TMEM63B: variants seen among roughly 807,000 people sequenced by gnomAD.
TMEM63B encodes transmembrane protein 63B, also known as mechanosensitive cation channel TMEM63B.
In TMEM63B, 23 loss-of-function variants were observed where a neutral mutation model predicts 102.6. The ratio of observed to expected loss-of-function variants is 0.22; its 90% confidence interval spans 0.16 to 0.32. The LOEUF (loss-of-function observed/expected upper bound fraction) is 0.32, where lower values mean the gene tolerates loss of function less well. Among genes scored for constraint, TMEM63B ranks in the 10% least tolerant of loss-of-function variants. The pLI, the probability that TMEM63B is intolerant of heterozygous loss-of-function variation, is 1.00. For synonymous variants in TMEM63B, 444 were observed against 437.0 expected, an observed-to-expected ratio of 1.02 and a Z score of -0.20; for missense variants, 628 against 1,095.9, an observed-to-expected ratio of 0.57 and a Z score of 6.03.
At chr6:44,141,271 A>T (rs944986391) in intron 10 of TMEM63B, among the ~76,000 whole-genome samples, 173 bp downstream of exon 10, 1 of 152,178 alleles carries the variant, frequency 6.6e-6, no homozygotes, top group Non-Finnish European at 1.5e-5. Flanking sequence ...GGGTCGGGTG[A>T]TAGGCCCCTT....
At chr6:44,151,635 T>C (rs1348247957) in intron 18 of TMEM63B, among the ~76,000 whole-genome samples, 1 of 152,110 alleles carries the variant, frequency 6.6e-6, no homozygotes, top group African/African-American at 2.4e-5. Context: ...TCCATGGGTC[T>C]TTATGGGGCA....
In TMEM63B at chr6:44,152,571, C is replaced by T. The variant is rs1209977878; in HGVS notation, c.1837-22C>T. The T allele has an allele frequency of 1.9e-6, 3 of 1,597,042 alleles. No homozygotes were observed. Among genetic ancestry groups the T allele is most frequent in the Non-Finnish European group, 2.6e-6 (3 of 1,171,354 alleles). The stretch of plus-strand genomic sequence containing the variant: ...TCAGTCCCTGCCTCCCTGAGCCATC[C>T]TCCTGCCCGTCTCCCCCCCAGCATC... On this transcript the variant is annotated intron_variant, in intron 19 of 23. Transcript: ENST00000323267. The surrounding 1 kb of genome is among the most constrained non-coding windows in gnomAD (Gnocchi z 6.4).
intron 6 of TMEM63B, 73 bp from the exon 7 acceptor site, chr6:44,139,394 G>A (rs1763771227): frequency 1.3e-6 from 2 of 1,581,138 alleles, no homozygotes; most frequent in Non-Finnish European, 8.6e-7. Context: ...GAGTGGGTGA[G>A]GGCAGGCAAG....
chr6:44,126,770 G>A (rs1777116468), upstream of TMEM63B: 1 of 152,216 alleles, frequency 6.6e-6, no homozygotes, highest in South Asian at 2.1e-4. Flanking sequence ...TATAGAAAGA[G>A]TCTCAGTCTC....
chr6:44,134,524 G>A (rs1762550915), intron 1 of TMEM63B, 37 bp from the exon 2 acceptor site: 2 of 1,585,178 alleles, frequency 1.3e-6, no homozygotes, highest in Non-Finnish European at 1.7e-6. Context: ...GAAGGGGATG[G>A]GGGCAAGCCC....
Position 44,151,937 on chromosome 6 carries a change from C to T in TMEM63B, c.1765C>T (p.Pro589Ser). Reference sequence around the variant, plus strand: ...CAACGCCATGGACCTGCTGCGCATCCCAGGCCTGCTCATGTACATGATCCG... The same window carrying T: ...CAACGCCATGGACCTGCTGCGCATCTCAGGCCTGCTCATGTACATGATCCG... ...IGNAMDLLRI[P>S]GLLMYMIRLC... Residue 589 changes from proline to serine, a missense_variant, in exon 19 of 24, where the codon CCA (proline) becomes TCA (serine). Around this residue, in one of 6 missense-constraint regions of TMEM63B, gnomAD observed 90 missense variants for 136.7 expected, o/e 0.66. Coordinates refer to ENST00000323267, the MANE Select transcript of TMEM63B (RefSeq NM_018426.3). 1 of 1,613,540 alleles carries T rather than the reference C, an allele frequency of 6.2e-7. No individual in the cohort carries two copies. The highest frequency in any genetic ancestry group is 8.5e-7 in the Non-Finnish European group (1 of 1,179,706).
Position 44,136,239 on chromosome 6 carries a change from CCTGTGCCTT to C in TMEM63B, c.279-96_279-88del, listed in dbSNP as rs778204966. 1.5e-3 allele frequency: 1,270 copies of C among 839,330 alleles called. 3 individuals are homozygous for C. The highest frequency in any genetic ancestry group is 2.2e-3 in the Non-Finnish European group (1,072 of 494,228). The allele number at this position is 839,330 out of a possible 1,614,324, so 52.0% of individuals were successfully genotyped here. ...CCTCTCTGCTTCAGCCTCTGCGCTT[CCTGTGCCTT>C]CTGTGCCTTCTGTAGCCCTGGAGCT... On this transcript the variant is annotated intron_variant, in intron 4 of 23. Coordinates refer to ENST00000323267, the MANE Select transcript of TMEM63B (RefSeq NM_018426.3).
rs1301917049 is a variant in TMEM63B, at chr6:44,135,361, G to A, written c.273G>A (p.Gln91=). The change falls in exon 4 of 24, where the codon CAG becomes CAA. Residue 91 remains glutamine, a synonymous_variant. Coordinates refer to ENST00000323267, the MANE Select transcript of TMEM63B (RefSeq NM_018426.3). ...LRRQERDRVE[Q]EYVASAMHGD... is the part of the protein sequence containing the mutation. ...GGCAGGAGAGGGACCGAGTGGAACA[G>A]GAATAGTATGTGGGGCACCAGCCCC... is the stretch of plus-strand genomic sequence containing the variant. 6.2e-7 allele frequency: 1 copy of A among 1,612,316 alleles called. No individual in the cohort carries two copies. Among genetic ancestry groups the A allele is most frequent in the South Asian group, 1.1e-5 (1 of 90,748 alleles).
intron 6 of TMEM63B, among the ~76,000 whole-genome samples, 175 bp from the exon 7 acceptor site, chr6:44,139,292 C>G (rs1181839572): frequency 6.6e-6 from 1 of 151,932 alleles, no homozygotes; most frequent in African/African-American, 2.4e-5. Context: ...CCTTTCTCCC[C>G]TCTCCCTTCA....
chr6:44,149,381 C>T (rs981052440), intron 15 of TMEM63B: 8 of 311,412 alleles, frequency 2.6e-5, no homozygotes, highest in Non-Finnish European at 4.3e-5. Context: ...CCCCTCACCT[C>T]TCCTCCCACG....
intron 4 of TMEM63B, 50 bp from the exon 5 acceptor site, chr6:44,136,299 G>T (rs1762935223): frequency 2.0e-6 from 3 of 1,532,130 alleles, no homozygotes; most frequent in African/African-American, 2.7e-5. Flanking sequence ...CAGCTTCCCG[G>T]GGGCTCAGAC....
intron 9 of TMEM63B, 74 bp from the exon 10 acceptor site, chr6:44,140,954 C>A: frequency 7.5e-7 from 1 of 1,331,102 alleles, no homozygotes; most frequent in Non-Finnish European, 1.1e-6. Context: ...TTCTCTAGTG[C>A]CCCCCACCCC....
chr6:44,143,570 G>T (rs79078634), intron 10 of TMEM63B, among the ~76,000 whole-genome samples: 1 of 135,110 alleles, frequency 7.4e-6, no homozygotes, highest in South Asian at 2.4e-4. Flanking sequence ...GGTGTTTGTT[G>T]TTTTTGTTTT....
In TMEM63B at chr6:44,154,358, C is replaced by T. The variant is rs542322016; in HGVS notation, c.2227-7C>T. On this transcript the variant is annotated splice_region_variant and splice_polypyrimidine_tract_variant and intron_variant, in intron 22 of 23. Transcript: ENST00000323267. The stretch of plus-strand genomic sequence containing the variant: ...CCCACTTCCTGACTCATTCTGGGCC[C>T]CTCAAGATTGAGCACACGGAGACAG... 2.5e-6 allele frequency: 4 copies of T among 1,613,884 alleles called. No individual in the cohort carries two copies. Among genetic ancestry groups the T allele is most frequent in the East Asian group, 2.2e-5 (1 of 44,866 alleles).
chr6:44,129,316 C>G (rs562814184), intron 1 of TMEM63B, among the ~76,000 whole-genome samples: 12 of 147,016 alleles, frequency 8.2e-5, no homozygotes, highest in Admixed American at 4.9e-4. Context: ...TGCAGTGAGC[C>G]GAGATTGTGG....
intron 1 of TMEM63B, among the ~76,000 whole-genome samples, chr6:44,131,834 C>A (rs900937227): frequency 1.3e-5 from 2 of 151,644 alleles, no homozygotes; most frequent in Non-Finnish European, 2.9e-5. Context: ...GTAAAATGCT[C>A]CATCACTCTC....
chr6:44,151,465 G>A (rs541093662), intron 18 of TMEM63B, among the ~76,000 whole-genome samples: 1 of 152,212 alleles, frequency 6.6e-6, no homozygotes, highest in East Asian at 1.9e-4. Flanking sequence ...GTCACACTCT[G>A]GGGGTAACTC....
intron 10 of TMEM63B, among the ~76,000 whole-genome samples, chr6:44,141,999 G>A (rs1036248857): frequency 2.0e-5 from 3 of 152,074 alleles, no homozygotes; most frequent in African/African-American, 4.8e-5. Context: ...GCGTGCGCCT[G>A]TAGTCCCAGC....
intron 8 of TMEM63B, 74 bp from the exon 9 acceptor site, chr6:44,140,178 T>C (rs1384802083): frequency 2.5e-6 from 3 of 1,211,930 alleles, no homozygotes; most frequent in East Asian, 4.7e-5. Context: ...GGTTTAACAC[T>C]GACAGGCTGA....
Sources: gnomAD v4.1 joint callset for allele counts (sites outside exome capture counted in the v4.1 genomes callset) on GRCh38, gnomAD v4.1.1 for gene constraint, gnomAD v4.1.1 regional missense constraint, Gnocchi (gnomAD v3.1) non-coding constraint, MANE v1.5 for transcripts, NCBI Gene and HGNC (gene_info 2026-07-23, HGNC 2026-07-21) for gene names.